Variants in PUS10 observed in about 807,000 individuals in gnomAD.
The protein encoded by PUS10 is tRNA pseudouridine synthase Pus10.
Under a neutral mutation model 75.0 loss-of-function variants are expected in PUS10, and 59 were observed. The ratio of observed to expected loss-of-function variants is 0.79; its 90% CI spans 0.64 to 0.98. The LOEUF is 0.98. Among genes scored for constraint, PUS10 ranks in the 50% least tolerant of loss-of-function variants. PUS10 has a pLI of 0.00. For missense variants in PUS10, 650 were observed against 614.4 expected (o/e 1.06, Z -0.61); for synonymous variants, 219 against 211.6 (o/e 1.03, Z -0.30).
intron 3 of PUS10, among the ~76,000 whole-genome samples, chr2:61,008,371 A>T (rs1679375670): frequency 6.6e-6 from 1 of 151,874 alleles, no homozygotes; most frequent in South Asian, 2.1e-4. Flanking sequence ...TAAAAATACA[A>T]AATTAGCCAG....
intron 1 of PUS10, among the ~76,000 whole-genome samples, chr2:61,012,435 C>T (rs1351796623): frequency 1.3e-5 from 2 of 151,960 alleles, no homozygotes; most frequent in Admixed American, 6.6e-5. Flanking sequence ...CATTCTTCCC[C>T]AGACTAGCCA....
intron 11 of PUS10, among the ~76,000 whole-genome samples, chr2:60,956,055 C>T (rs1171329327): frequency 2.0e-5 from 3 of 151,090 alleles, no homozygotes; most frequent in Non-Finnish European, 4.4e-5. Flanking sequence ...AGTTGATCGT[C>T]ACGGACTAAA....
chr2:60,960,610 T>A, intron 10 of PUS10, 93 bp from the exon 11 acceptor site: 1 of 1,191,206 alleles, frequency 8.4e-7, no homozygotes, highest in Non-Finnish European at 1.2e-6. Flanking sequence ...GCCAATATCC[T>A]AAGTGCTACG....
chr2:61,011,971 T>C (rs1303780529), intron 1 of PUS10, 66 bp from the exon 2 acceptor site: 1 of 1,313,736 alleles, frequency 7.6e-7, no homozygotes, highest in Non-Finnish European at 1.0e-6. Context: ...CAAGTCATCA[T>C]GTTTAGGGAT....
intron 4 of PUS10, among the ~76,000 whole-genome samples, chr2:60,972,346 C>T (rs1676740940): frequency 6.6e-6 from 1 of 151,506 alleles, no homozygotes; most frequent in Admixed American, 6.6e-5. Flanking sequence ...GGCGGGCGCC[C>T]GTAGTCCCAG....
intron 9 of PUS10, 100 bp from the exon 10 acceptor site, chr2:60,961,648 G>T: frequency 9.8e-7 from 1 of 1,016,696 alleles, no homozygotes; most frequent in Non-Finnish European, 1.5e-6. Flanking sequence ...CAGAGCCCAA[G>T]TCTCTCTCTA....
chr2:60,996,304 T>C (rs977424543), intron 4 of PUS10, among the ~76,000 whole-genome samples: 2 of 152,218 alleles, frequency 1.3e-5, no homozygotes, highest in African/African-American at 4.8e-5. Context: ...GCTTGGGTTC[T>C]ATATAGACCT....
chr2:60,967,431 A>AT (rs1676405223), intron 6 of PUS10, 71 bp downstream of exon 6: 1 of 1,077,990 alleles, frequency 9.3e-7, no homozygotes, highest in Non-Finnish European at 1.4e-6. Context: ...GGCTAACCAA[A>AT]ACCCTGCCAT....
At chr2:60,942,712 G>T (rs996413948) in intron 17 of PUS10, among the ~76,000 whole-genome samples, 10 of 151,966 alleles carry the variant, frequency 6.6e-5, no homozygotes, top group African/African-American at 2.4e-4. Flanking sequence ...TTTTTTAAAT[G>T]GTATTTATGG....
chr2:60,969,163 A>T (rs1432662700), intron 5 of PUS10, among the ~76,000 whole-genome samples: 6 of 152,236 alleles, frequency 3.9e-5, no homozygotes, highest in Non-Finnish European at 8.8e-5. Flanking sequence ...CCAGTGTTTT[A>T]AATCCTTCAC....
intron 4 of PUS10, among the ~76,000 whole-genome samples, chr2:60,974,037 AGAAG>A (rs1386721537): frequency 5.9e-5 from 9 of 151,842 alleles, no homozygotes; most frequent in Admixed American, 3.9e-4. Flanking sequence ...CTGCCTGCAG[AGAAG>A]AGCTACCCTC....
At chr2:60,978,956 T>C (rs1431524060) in intron 4 of PUS10, among the ~76,000 whole-genome samples, 1 of 152,196 alleles carries the variant, frequency 6.6e-6, no homozygotes, top group African/African-American at 2.4e-5. Context: ...CTATATTCTT[T>C]TGAATCTTAC....
intron 15 of PUS10, among the ~76,000 whole-genome samples, chr2:60,949,566 GTT>G (rs946605882): frequency 6.9e-6 from 1 of 144,274 alleles, no homozygotes; most frequent in African/African-American, 2.5e-5. Context: ...GCTTGTTTTT[GTT>G]TTTTTTTTTA....
chr2:60,973,005 G>C (rs555216196), intron 4 of PUS10, among the ~76,000 whole-genome samples: 20 of 152,336 alleles, frequency 1.3e-4, no homozygotes, highest in Non-Finnish European at 2.8e-4. Context: ...GCGGCAGGAG[G>C]GGTTGTGGGA....
chr2:60,966,673 A>G (rs1410607188), intron 6 of PUS10: 1 of 152,314 alleles, frequency 6.6e-6, no homozygotes, highest in African/African-American at 2.4e-5. Context: ...TCTTCATGCT[A>G]TCTGTGAAGT....
At chr2:60,967,297 C>T in intron 6 of PUS10, 1 of 418,332 alleles carries the variant, frequency 2.4e-6, no homozygotes, top group Non-Finnish European at 4.3e-6. Flanking sequence ...TGTCTTAGAT[C>T]ATAAAGAAGT....
At chr2:60,955,178 T>C (rs1675572752) in intron 11 of PUS10, 104 bp from the exon 12 acceptor site, 1 of 605,470 alleles carries the variant, frequency 1.7e-6, no homozygotes, top group East Asian at 3.0e-5. Flanking sequence ...GAACAATCTA[T>C]AGGAGAATCC....
intron 2 of PUS10, chr2:61,010,651 C>G (rs764706085): frequency 4.2e-6 from 4 of 958,358 alleles, no homozygotes; most frequent in African/African-American, 1.6e-5. Context: ...AGTGTTTCCA[C>G]GTACTTTATT....
intron 1 of PUS10, among the ~76,000 whole-genome samples, chr2:61,015,138 C>G (rs1679883378): frequency 6.6e-6 from 1 of 152,088 alleles, no homozygotes; most frequent in South Asian, 2.1e-4. Context: ...TTAGGGTTGC[C>G]TAAGTAAATT....
Sources: allele counts gnomAD v4.1 joint callset (sites outside exome capture counted in the v4.1 genomes callset), GRCh38; gene constraint gnomAD v4.1.1; transcripts MANE v1.5; gene names NCBI Gene and HGNC (gene_info 2026-07-23, HGNC 2026-07-21).